The following MLLT10 variants were observed in gnomAD, a reference collection of about 807,000 sequenced individuals.
MLLT10 encodes MLLT10 histone lysine methyltransferase DOT1L cofactor.
In MLLT10, 30 loss-of-function variants were observed where a neutral mutation model predicts 129.1. The observed-to-expected ratio is 0.23, with a 90% CI of 0.17 to 0.32. MLLT10 has a LOEUF of 0.32. Among genes scored for constraint, MLLT10 ranks in the 10% least tolerant of loss-of-function variants. MLLT10 has a pLI of 1.00. For missense variants in MLLT10, 1,119 were observed against 1,268.3 expected, an observed-to-expected ratio of 0.88 and a Z score of 1.79; for synonymous variants, 490 against 446.4, an observed-to-expected ratio of 1.10 and a Z score of -1.23.
intron 14 of MLLT10, among the ~76,000 whole-genome samples, chr10:21,717,253 C>CAAAA (rs747244556): frequency 0.053 from 3,268 of 61,878 alleles, 272 homozygotes; most frequent in East Asian, 0.25. Flanking sequence ...AACTCCGTCT[C>CAAAA]AAAAAAAAAA....
At chr10:21,604,656 T>C (rs1481236769) in intron 5 of MLLT10, among the ~76,000 whole-genome samples, 1 of 152,142 alleles carries the variant, frequency 6.6e-6, no homozygotes, top group African/African-American at 2.4e-5. Context: ...GTTTCTGAGA[T>C]GCAATGGTGG....
chr10:21,742,051 C>A lies in MLLT10; in HGVS notation c.*68C>A. ...CACTTCATCTGGCTGCCTTTGCAGT[C>A]CTTTTACTACAGCTATGAAGAAACG... is the stretch of plus-strand genomic sequence containing the variant. On this transcript the variant is annotated 3_prime_UTR_variant, in exon 23 of 23. Transcript: ENST00000307729. The A allele has an allele frequency of 7.2e-7, 1 of 1,396,060 alleles. No homozygotes were observed. The highest frequency in any genetic ancestry group is 1.2e-5 in the South Asian group (1 of 83,594). The allele number at this position is 1,396,060 out of a possible 1,614,324, so 86.5% of individuals were successfully genotyped here. A position where few individuals can be genotyped will look rare whatever the true frequency, so the allele number is the denominator to read the frequency against.
intron 14 of MLLT10, among the ~76,000 whole-genome samples, chr10:21,723,764 C>G (rs2057293492): frequency 6.6e-6 from 1 of 152,070 alleles, no homozygotes; most frequent in African/African-American, 2.4e-5. Flanking sequence ...ATTAATTTTC[C>G]ATTTCTAATC....
intron 2 of MLLT10, among the ~76,000 whole-genome samples, chr10:21,536,458 T>A (rs1006324492): frequency 1.3e-5 from 2 of 152,224 alleles, no homozygotes; most frequent in African/African-American, 4.8e-5. Context: ...TTTATTCAAA[T>A]CTTAAATTTT....
intron 9 of MLLT10, among the ~76,000 whole-genome samples, chr10:21,662,541 T>C (rs2050317619): frequency 6.6e-6 from 1 of 152,248 alleles, no homozygotes; most frequent in African/African-American, 2.4e-5. Flanking sequence ...CTGTTTGTTT[T>C]TGATCTCTCT....
rs187041790 is a variant in MLLT10, at chr10:21,591,369, C to T, written c.296-3962C>T. 9.1e-4 allele frequency among the ~76,000 whole-genome samples: 139 copies of T among 152,296 alleles called. 3 individuals carry two copies. The highest frequency in any genetic ancestry group is 6.7e-3 in the East Asian group (35 of 5,188). Reference sequence around the variant, plus strand: ...ATAAATTTCATATTTGTTGCCATTCCGTTCAAGACATTTTCCAGTTTCCCT... The same window carrying T: ...ATAAATTTCATATTTGTTGCCATTCTGTTCAAGACATTTTCCAGTTTCCCT... On this transcript the variant is annotated intron_variant, in intron 4 of 22. Transcript: ENST00000307729.
At chr10:21,665,788 G>T (rs545718289) in intron 9 of MLLT10, among the ~76,000 whole-genome samples, 1 of 152,074 alleles carries the variant, frequency 6.6e-6, no homozygotes, top group East Asian at 1.9e-4. Context: ...GAGTGCAGTG[G>T]CTTGATCTCG....
intron 5 of MLLT10, among the ~76,000 whole-genome samples, chr10:21,596,172 A>G (rs1399345095): frequency 3.9e-5 from 6 of 152,302 alleles, no homozygotes; most frequent in African/African-American, 1.4e-4. Flanking sequence ...GTAAATAAAT[A>G]TAAGACAAAA....
At chr10:21,726,706 T>TA (rs1491562219) in intron 15 of MLLT10, among the ~76,000 whole-genome samples, 16 of 73,338 alleles carry the variant, frequency 2.2e-4, no homozygotes, top group Non-Finnish European at 4.4e-4. Context: ...TTTTTTTTTT[T>TA]ATTGTCTGAA....
intron 22 of MLLT10, among the ~76,000 whole-genome samples, chr10:21,741,535 T>C (rs968939034): frequency 6.6e-6 from 1 of 152,106 alleles, no homozygotes; most frequent in Non-Finnish European, 1.5e-5. Context: ...ATTTTTTTTA[T>C]AGATTAGTAA....
At chr10:21,637,043 T>C (rs1018283326) in intron 8 of MLLT10, among the ~76,000 whole-genome samples, 2 of 152,218 alleles carry the variant, frequency 1.3e-5, no homozygotes, top group Non-Finnish European at 2.9e-5. Context: ...AGCAAGCTAA[T>C]AGCTCCTTTT....
chr10:21,697,246 C>T (rs975342038), intron 13 of MLLT10, among the ~76,000 whole-genome samples: 1 of 151,998 alleles, frequency 6.6e-6, no homozygotes, highest in African/African-American at 2.4e-5. Context: ...GCGGGCACAT[C>T]ACCTAAGGTC....
intron 14 of MLLT10, among the ~76,000 whole-genome samples, chr10:21,715,899 T>C (rs914934024): frequency 6.6e-6 from 1 of 152,266 alleles, no homozygotes; most frequent in African/African-American, 2.4e-5. Context: ...TAGATTTACA[T>C]GCTGTGTACT....
At chr10:21,684,745 T>C (rs1336838712) in intron 13 of MLLT10, among the ~76,000 whole-genome samples, 3 of 152,222 alleles carry the variant, frequency 2.0e-5, no homozygotes, top group Non-Finnish European at 4.4e-5. Flanking sequence ...ATAACATTTA[T>C]ACTCCTTCAC....
intron 8 of MLLT10, among the ~76,000 whole-genome samples, chr10:21,631,230 C>T (rs967788829): frequency 2.7e-5 from 4 of 147,128 alleles, no homozygotes; most frequent in East Asian, 2.0e-4. Context: ...AGGAGAATGG[C>T]GTCAACCTGG....
At chr10:21,651,851 C>A in intron 9 of MLLT10, 83 bp downstream of exon 9, 1 of 756,548 alleles carries the variant, frequency 1.3e-6, no homozygotes, top group South Asian at 2.1e-5. Flanking sequence ...TTTTCATTCC[C>A]TAACTTTTCC....
chr10:21,709,678 T>A (rs1326574452), intron 13 of MLLT10, among the ~76,000 whole-genome samples: 1 of 152,256 alleles, frequency 6.6e-6, no homozygotes, highest in African/African-American at 2.4e-5. Flanking sequence ...TTATAAATAA[T>A]CACTGCATTA....
intron 13 of MLLT10, among the ~76,000 whole-genome samples, chr10:21,709,140 A>G (rs2055827798): frequency 6.6e-6 from 1 of 152,028 alleles, no homozygotes; most frequent in South Asian, 2.1e-4. Flanking sequence ...TGCTGCCTCC[A>G]GCTAACTTTT....
At chr10:21,634,323 G>C (rs2047265519) in intron 8 of MLLT10, among the ~76,000 whole-genome samples, 1 of 152,116 alleles carries the variant, frequency 6.6e-6, no homozygotes, top group Non-Finnish European at 1.5e-5. Flanking sequence ...TGCTCAGCTG[G>C]GATTTGTCTG....
Sources: gnomAD v4.1 joint callset for allele counts (sites outside exome capture counted in the v4.1 genomes callset) on GRCh38, gnomAD v4.1.1 for gene constraint, MANE v1.5 for transcripts, NCBI Gene and HGNC (gene_info 2026-07-23, HGNC 2026-07-21) for gene names.